GPHN: variants seen among roughly 807,000 people sequenced by gnomAD.
GPHN encodes gephyrin.
Under a neutral mutation model 95.5 loss-of-function variants are expected in GPHN, and 17 were observed. That is an observed-to-expected ratio of 0.18 (90% CI 0.12 to 0.27). GPHN has a LOEUF of 0.27. Ranked by LOEUF, GPHN falls within the 10% of genes least tolerant of loss-of-function variation. The pLI is 1.00. For missense variants in GPHN, 660 were observed against 978.1 expected, an observed-to-expected ratio of 0.67 and a Z score of 4.34; for synonymous variants, 320 against 322.5, an observed-to-expected ratio of 0.99 and a Z score of 0.08.
At chr14:67,409,261 CAG>C in the GPHN span, among the ~76,000 whole-genome samples, 3 of 150,364 alleles carry the variant, frequency 2.0e-5, no homozygotes, top group East Asian at 5.9e-4. Flanking sequence ...AAATAAGTAA[CAG>C]GGGGGTGTGG....
the GPHN span, among the ~76,000 whole-genome samples, chr14:67,389,626 A>G: frequency 2.6e-5 from 4 of 152,066 alleles, no homozygotes; most frequent in African/African-American, 9.7e-5. Flanking sequence ...GTATTTATAG[A>G]TAGGTGTGTA....
the GPHN span, among the ~76,000 whole-genome samples, chr14:67,670,500 C>A: frequency 6.6e-6 from 1 of 152,118 alleles, no homozygotes; most frequent in Non-Finnish European, 1.5e-5. Flanking sequence ...TCAAGTCCAG[C>A]CCTTTTTATG....
At chr14:66,532,879 C>T (rs2058999451) in intron 1 of GPHN, among the ~76,000 whole-genome samples, 1 of 152,192 alleles carries the variant, frequency 6.6e-6, no homozygotes, top group African/African-American at 2.4e-5. Context: ...TTTAGCCATT[C>T]AGAGGACTGA....
intron 1 of GPHN, among the ~76,000 whole-genome samples, chr14:66,550,839 C>T (rs1015137604): frequency 5.3e-5 from 8 of 151,862 alleles, no homozygotes; most frequent in African/African-American, 1.9e-4. Context: ...ATTTTTTTAG[C>T]AGTAAGGTTT....
intron 10 of GPHN, among the ~76,000 whole-genome samples, chr14:67,050,723 C>T (rs1176728269): frequency 6.6e-6 from 1 of 152,064 alleles, no homozygotes; most frequent in Admixed American, 6.5e-5. Flanking sequence ...TTGGAGGCTC[C>T]CACGTAGAAG....
intron 9 of GPHN, among the ~76,000 whole-genome samples, chr14:67,002,898 T>C (rs1770686966): frequency 6.6e-6 from 1 of 151,670 alleles, no homozygotes; most frequent in African/African-American, 2.4e-5. Context: ...ATACGTTTTA[T>C]GTATAGTGAT....
At chr14:67,569,017 C>G in the GPHN span, 11 of 618,900 alleles carry the variant, frequency 1.8e-5, no homozygotes, top group Non-Finnish European at 2.8e-5. Context: ...GATTTGTTAG[C>G]CAGTCACTGC....
chr14:66,861,413 C>T (rs1408610257), intron 4 of GPHN, among the ~76,000 whole-genome samples: 1 of 151,912 alleles, frequency 6.6e-6, no homozygotes, highest in Admixed American at 6.6e-5. Flanking sequence ...ACTTCAACAC[C>T]CTACTTTCAG....
chr14:67,574,265 C>G, the GPHN span: 1 of 1,607,682 alleles, frequency 6.2e-7, no homozygotes. This position sits in a 1 kb window ranked among gnomAD's most constrained non-coding sequence, Gnocchi z 4.2. Flanking sequence ...AGAAAACCTA[C>G]TACCTGACGG....
At chr14:67,312,377 A>G in the GPHN span, 1 of 500,972 alleles carries the variant, frequency 2.0e-6, no homozygotes, top group Non-Finnish European at 3.2e-6. Context: ...TAGAAATTTG[A>G]GATTATCCTG....
chr14:66,866,222 C>T (rs1037181546), intron 4 of GPHN, among the ~76,000 whole-genome samples: 1 of 152,088 alleles, frequency 6.6e-6, no homozygotes, highest in Admixed American at 6.6e-5. Flanking sequence ...TTTTTTCCTC[C>T]ATATCTACAT....
At chr14:66,760,515 GC>G in intron 2 of GPHN, 1 of 243,086 alleles carries the variant, frequency 4.1e-6, no homozygotes. Flanking sequence ...GTTGGTGGGG[GC>G]CCACGCGGGT....
intron 4 of GPHN, among the ~76,000 whole-genome samples, chr14:66,865,020 A>G (rs986786678): frequency 1.3e-5 from 2 of 152,168 alleles, no homozygotes; most frequent in Admixed American, 6.5e-5. Context: ...CAGAAAGACA[A>G]ACTTCACATG....
chr14:67,319,184 TG>T, the GPHN span, among the ~76,000 whole-genome samples: 1 of 152,242 alleles, frequency 6.6e-6, no homozygotes, highest in Non-Finnish European at 1.5e-5. Context: ...GGCTCTGTGC[TG>T]AGCATTGACA....
At chr14:67,411,136 CAAAAAA>C in the GPHN span, among the ~76,000 whole-genome samples, 1 of 52,072 alleles carries the variant, frequency 1.9e-5, no homozygotes, top group Non-Finnish European at 4.1e-5. Flanking sequence ...GACCCTGTCT[CAAAAAA>C]AAAAAAAAAA....
intron 1 of GPHN, among the ~76,000 whole-genome samples, chr14:66,618,440 G>C (rs377010177): frequency 3.3e-5 from 5 of 152,194 alleles, no homozygotes; most frequent in African/African-American, 9.6e-5. Context: ...TATTGAAAAG[G>C]TTATATAGTT....
chr14:67,665,591 A>T, the GPHN span, among the ~76,000 whole-genome samples: 4 of 152,124 alleles, frequency 2.6e-5, no homozygotes, highest in Non-Finnish European at 5.9e-5. Context: ...TTAAGTGACC[A>T]TAAATCATTT....
intron 5 of GPHN, among the ~76,000 whole-genome samples, chr14:66,896,920 C>T (rs976332052): frequency 6.6e-6 from 1 of 152,006 alleles, no homozygotes; most frequent in Admixed American, 6.6e-5. Context: ...TAGAACACTG[C>T]TTAGTTTCTC....
intron 11 of GPHN, among the ~76,000 whole-genome samples, chr14:67,078,141 AC>A (rs2076566580): frequency 6.6e-6 from 1 of 152,176 alleles, no homozygotes; most frequent in African/African-American, 2.4e-5. Context: ...ACACAGCCTA[AC>A]CTTCAGCAAA....
Sources: gnomAD v4.1 joint callset for allele counts (sites outside exome capture counted in the v4.1 genomes callset) on GRCh38, gnomAD v4.1.1 for gene constraint, Gnocchi (gnomAD v3.1) non-coding constraint, MANE v1.5 for transcripts, NCBI Gene and HGNC (gene_info 2026-07-23, HGNC 2026-07-21) for gene names.